WDR26: variants seen among roughly 807,000 people sequenced by gnomAD.
The protein encoded by WDR26 is WD repeat domain 26, also known as WD repeat-containing protein 26.
Under a neutral mutation model 84.1 loss-of-function variants are expected in WDR26, and 5 were observed. The ratio of observed to expected loss-of-function variants is 0.06; its 90% CI spans 0.03 to 0.13. The LOEUF (loss-of-function observed/expected upper bound fraction) is 0.13. WDR26 is among the 10% of genes least tolerant of loss of function. WDR26 has a pLI of 1.00. For synonymous variants in WDR26, 415 were observed against 389.6 expected, an observed-to-expected ratio of 1.07 and a Z score of -0.77; for missense variants, 642 against 974.9, an observed-to-expected ratio of 0.66 and a Z score of 4.55.
intron 6 of WDR26, among the ~76,000 whole-genome samples, chr1:224,413,603 A>G (rs1673798535): frequency 6.6e-6 from 1 of 152,180 alleles, no homozygotes; most frequent in African/African-American, 2.4e-5. Flanking sequence ...CCCCATTTTC[A>G]TGAGGCTCAA....
Position 224,433,768 on chromosome 1 carries a change from C to A in WDR26, c.638G>T (p.Ser213Ile). Residue 213 changes from serine to isoleucine, a missense_variant, in exon 1 of 14, where the codon AGC becomes ATC. Coordinates refer to ENST00000414423, the MANE Select transcript of WDR26 (RefSeq NM_001379403.1). ...GGAGAGCCGCTTCTTCTTCTTGAGGCTGCTGCCCAGTTCTGGGGTGGCCAA... is the reference window on the plus strand; with the variant it reads ...GGAGAGCCGCTTCTTCTTCTTGAGGATGCTGCCCAGTTCTGGGGTGGCCAA... 6.5e-7 allele frequency: 1 copy of A among 1,536,798 alleles called. No homozygotes were observed. Among genetic ancestry groups the A allele is most frequent in the Non-Finnish European group, 8.7e-7 (1 of 1,146,702 alleles).
At chr1:224,413,170 C>T (rs757080829) in intron 6 of WDR26, 3 of 556,234 alleles carry the variant, frequency 5.4e-6, no homozygotes, top group Non-Finnish European at 7.3e-6. Flanking sequence ...GCCTGGGTGA[C>T]AGAGTGAGAT....
At chr1:224,397,880 C>T (rs1023147461) in intron 12 of WDR26, 9 of 552,530 alleles carry the variant, frequency 1.6e-5, no homozygotes, top group African/African-American at 1.6e-4. Context: ...GGGCTTAGGT[C>T]ATTACAGAAA....
chr1:224,396,741 T>G (rs957941273), intron 12 of WDR26, among the ~76,000 whole-genome samples: 1 of 152,130 alleles, frequency 6.6e-6, no homozygotes, highest in Admixed American at 6.5e-5. Context: ...GGTAGACTGC[T>G]TGAGCTCAGG....
intron 6 of WDR26, among the ~76,000 whole-genome samples, chr1:224,412,086 G>A (rs988495928): frequency 5.9e-5 from 9 of 152,072 alleles, no homozygotes; most frequent in Non-Finnish European, 8.8e-5. Flanking sequence ...TAATGTCTTT[G>A]GCAAGTTATT....
intron 9 of WDR26, 100 bp from the exon 10 acceptor site, chr1:224,399,134 G>GTT (rs377025189): frequency 1.2e-3 from 1,099 of 932,966 alleles, no homozygotes; most frequent in South Asian, 2.1e-3. Flanking sequence ...TTAGTAACAG[G>GTT]TTTTTTTTTT....
intron 7 of WDR26, among the ~76,000 whole-genome samples, chr1:224,406,502 T>C (rs1673572274): frequency 6.6e-6 from 1 of 152,324 alleles, no homozygotes; most frequent in Admixed American, 6.5e-5. Flanking sequence ...AGAAATGTCA[T>C]TGCAAAATGG....
intron 12 of WDR26, among the ~76,000 whole-genome samples, chr1:224,394,550 G>T (rs992366757): frequency 4.0e-5 from 6 of 151,482 alleles, no homozygotes; most frequent in Non-Finnish European, 8.8e-5. Context: ...TGTTGCCCAG[G>T]CTGGAGCGCA....
At position 224,419,603 on chromosome 1, in the gene WDR26, A is replaced by G. The variant is rs1673998558; in HGVS notation, c.1077T>C (p.Cys359=). The G allele has an allele frequency of 6.8e-6, 11 of 1,612,836 alleles. No individual in the cohort carries two copies. Among genetic ancestry groups the G allele is most frequent in the Non-Finnish European group, 9.3e-6 (11 of 1,179,044 alleles). Residue 359 remains cysteine, a synonymous_variant, in exon 5 of 14, where the codon TGT becomes TGC. Transcript: ENST00000414423. ...TTGCACGTAGGTCTTCTGCATGGCT[A>G]CACATCAGATACCTAAAAATACAAC... is the stretch of plus-strand genomic sequence containing the variant.
At chr1:224,418,765 A>T (rs1336981132) in intron 5 of WDR26, among the ~76,000 whole-genome samples, 2 of 152,226 alleles carry the variant, frequency 1.3e-5, no homozygotes, top group Non-Finnish European at 2.9e-5. Flanking sequence ...GGTGTAAGTA[A>T]AATCTCCACT....
intron 1 of WDR26, among the ~76,000 whole-genome samples, chr1:224,432,481 A>T (rs1674420692): frequency 6.6e-6 from 1 of 152,212 alleles, no homozygotes; most frequent in Non-Finnish European, 1.5e-5. Context: ...AGCACTTAAA[A>T]GATTCATCAA....
chr1:224,411,307 T>TA (rs1386631579), intron 7 of WDR26, 120 bp downstream of exon 7: 7 of 1,105,574 alleles, frequency 6.3e-6, no homozygotes, highest in South Asian at 2.3e-5. Flanking sequence ...GTAAAAATGA[T>TA]AAAAAATGCT....
rs1674539619 is a variant in WDR26 at position 224,434,441 on chromosome 1, G to A, written c.-36C>T. ...CGGTGGGGCGAGGCGGGGGAGGGGA[G>A]GCGGGGGCCGGGGAGAGGGTCGGGG... is the stretch of plus-strand genomic sequence containing the variant. On this transcript the variant is annotated 5_prime_UTR_variant, in exon 1 of 14. Transcript: ENST00000414423. The A allele has an allele frequency of 1.4e-5, 13 of 927,280 alleles. No homozygotes were observed. Among genetic ancestry groups the A allele is most frequent in the Non-Finnish European group, 1.7e-5 (13 of 770,618 alleles). 57.4% of individuals were successfully genotyped at this position (927,280 alleles called of 1,614,324 possible).
chr1:224,397,442 A>G (rs1357276234), intron 12 of WDR26, among the ~76,000 whole-genome samples: 1 of 152,160 alleles, frequency 6.6e-6, no homozygotes, highest in Non-Finnish European at 1.5e-5. Context: ...TTACTGCCTC[A>G]CTTATTTGTG....
intron 13 of WDR26, 99 bp downstream of exon 13, chr1:224,393,727 CCA>C: frequency 1.0e-6 from 1 of 1,003,950 alleles, no homozygotes; most frequent in Non-Finnish European, 1.4e-6. Flanking sequence ...AAATCATATA[CCA>C]CACTTTAAAT....
intron 7 of WDR26, among the ~76,000 whole-genome samples, chr1:224,407,500 T>TAC (rs1186279826): frequency 3.4e-5 from 5 of 148,702 alleles, no homozygotes; most frequent in African/African-American, 9.9e-5. Flanking sequence ...TATATATATA[T>TAC]ACATATATAA....
chr1:224,405,976 A>G (rs1220170027), intron 7 of WDR26, among the ~76,000 whole-genome samples: 1 of 152,246 alleles, frequency 6.6e-6, no homozygotes, highest in Non-Finnish European at 1.5e-5. Context: ...GGGACAATGG[A>G]ACCATAATGA....
At chr1:224,416,767 A>C (rs2102911371) in intron 6 of WDR26, among the ~76,000 whole-genome samples, 1 of 152,338 alleles carries the variant, frequency 6.6e-6, no homozygotes, top group East Asian at 1.9e-4. Context: ...TATGAACCAA[A>C]AAAAGATTTG....
intron 3 of WDR26, among the ~76,000 whole-genome samples, chr1:224,425,960 C>A (rs371876319): frequency 1.3e-5 from 2 of 152,002 alleles, no homozygotes; most frequent in Non-Finnish European, 2.9e-5. Context: ...TGGGTTCACG[C>A]GATTCTCCTG....
Sources: gnomAD v4.1 joint callset for allele counts (sites outside exome capture counted in the v4.1 genomes callset) on GRCh38, gnomAD v4.1.1 for gene constraint, MANE v1.5 for transcripts, NCBI Gene and HGNC (gene_info 2026-07-23, HGNC 2026-07-21) for gene names.